ANXA11: variants seen among roughly 807,000 people sequenced by gnomAD.
ANXA11 encodes the protein annexin A11.
Under a neutral mutation model 64.7 loss-of-function variants are expected in ANXA11, and 57 were observed. That is an observed-to-expected ratio of 0.88 (90% CI 0.71 to 1.10). The LOEUF is 1.10. ANXA11 is among the 50% of genes least tolerant of loss of function. ANXA11 has a pLI of 0.00. For synonymous variants in ANXA11, 260 were observed against 265.2 expected, an observed-to-expected ratio of 0.98 and a Z score of 0.19; for missense variants, 675 against 670.7, an observed-to-expected ratio of 1.01 and a Z score of -0.07.
chr10:80,200,766 C>T (rs778160532), intron 1 of ANXA11, among the ~76,000 whole-genome samples: 6 of 152,170 alleles, frequency 3.9e-5, no homozygotes, highest in Non-Finnish European at 7.3e-5. Context: ...TGCAGTGGTT[C>T]ACTCCTGTAA....
chr10:80,182,254 C>T (rs1392275712), intron 1 of ANXA11, among the ~76,000 whole-genome samples: 2 of 151,858 alleles, frequency 1.3e-5, no homozygotes, highest in African/African-American at 4.8e-5. Flanking sequence ...CTGTGGTTTC[C>T]ACTTAATTTT....
At chr10:80,202,204 A>AGGGGGGGGG in intron 1 of ANXA11, among the ~76,000 whole-genome samples, 1 of 91,636 alleles carries the variant, frequency 1.1e-5, no homozygotes, top group African/African-American at 3.4e-5. Flanking sequence ...GTGGGGGGGA[A>AGGGGGGGGG]GCGGGGGGTC....
At chr10:80,168,438 G>A (rs1222380984) in intron 5 of ANXA11, among the ~76,000 whole-genome samples, 1 of 152,190 alleles carries the variant, frequency 6.6e-6, no homozygotes, top group Non-Finnish European at 1.5e-5. Context: ...CATCACACCA[G>A]GAGAAACAGG....
chr10:80,198,503 C>A (rs933631595), intron 1 of ANXA11, among the ~76,000 whole-genome samples: 10 of 152,188 alleles, frequency 6.6e-5, no homozygotes, highest in South Asian at 2.1e-4. Context: ...AATATGGGAG[C>A]CTGTAAGCAA....
chr10:80,162,523 G>T (rs928966312), intron 11 of ANXA11, among the ~76,000 whole-genome samples: 1 of 152,244 alleles, frequency 6.6e-6, no homozygotes, highest in African/African-American at 2.4e-5. Flanking sequence ...CCTTGTCCGG[G>T]CTCTGCTTCT....
At chr10:80,157,469 C>G in intron 15 of ANXA11, 172 bp downstream of exon 15, 1 of 985,354 alleles carries the variant, frequency 1.0e-6, no homozygotes, top group Non-Finnish European at 1.2e-6. Flanking sequence ...TCCACCTGCC[C>G]TCAGAAATTT....
chr10:80,170,174 G>C (rs193248617), intron 4 of ANXA11, among the ~76,000 whole-genome samples: 40 of 152,180 alleles, frequency 2.6e-4, no homozygotes, highest in African/African-American at 9.6e-4. Context: ...TAGATGATAA[G>C]TGCAGCACGG....
At chr10:80,200,342 A>C (rs1840366180) in intron 1 of ANXA11, among the ~76,000 whole-genome samples, 1 of 152,226 alleles carries the variant, frequency 6.6e-6, no homozygotes, top group Non-Finnish European at 1.5e-5. Context: ...TTATTTATTA[A>C]TTTTAAGACT....
In ANXA11 at chr10:80,155,026, C is replaced by T. The variant is rs1038015414; in HGVS notation, c.*827G>A. On this transcript the variant is annotated 3_prime_UTR_variant, in exon 16 of 16. Transcript: ENST00000422982. ...TGCTCAGGGTTTCCTGCACACAAAT[C>T]TCTACGTAAGGTTACATGAACTTTC... 1.3e-5 allele frequency: 2 copies of T among 152,376 alleles called. No homozygotes were observed. The highest frequency in any genetic ancestry group is 4.8e-5 in the African/African-American group (2 of 41,418). 9.4% of individuals were successfully genotyped at this position (152,376 alleles called of 1,614,324 possible).
chr10:80,172,767 A>G (rs1846028542), intron 3 of ANXA11, 40 bp downstream of exon 3: 3 of 1,586,938 alleles, frequency 1.9e-6, no homozygotes, highest in Non-Finnish European at 2.6e-6. Context: ...CACTGTACAG[A>G]GGCAGCATTC....
At chr10:80,201,593 G>A (rs1840424293) in intron 1 of ANXA11, among the ~76,000 whole-genome samples, 1 of 152,170 alleles carries the variant, frequency 6.6e-6, no homozygotes, top group South Asian at 2.1e-4. Flanking sequence ...GATGACTCTA[G>A]GGTGAGTGGG....
In ANXA11 at chr10:80,169,503, A is replaced by G. The variant is rs532450000; in HGVS notation, c.172-145T>C. 7.6e-5 allele frequency: 76 copies of G among 996,170 alleles called. 1 individual carries two copies. The East Asian group carries it at 1.9e-3, about 25-fold the overall frequency. 61.7% of individuals were successfully genotyped at this position (996,170 alleles called of 1,614,324 possible). ...TACCGTTATACCCATTTCACAGACC[A>G]CAGAATGAGTTTACTTGCTCAAAGT... On this transcript the variant is annotated intron_variant, in intron 4 of 15. Coordinates refer to ENST00000422982, the MANE Select transcript of ANXA11 (RefSeq NM_145868.2).
rs10466226 is a variant in ANXA11 at position 80,164,299 on chromosome 10, A to G, written c.859-156T>C. ...TCCAGCCACTCCCAGGCTCGAGGGC[A>G]TCAGCTCTTCTCCACAGCCCGGGCA... On this transcript the variant is annotated intron_variant, in intron 8 of 15. Coordinates refer to ENST00000422982, the MANE Select transcript of ANXA11 (RefSeq NM_145868.2). Among the ~76,000 whole-genome samples the G allele has an allele frequency of 0.13, 19,525 of 152,166 alleles. 1,388 individuals are homozygous for G. The highest frequency in any genetic ancestry group is 0.24 in the South Asian group (1,153 of 4,808).
rs537435920 is a variant in ANXA11, at chr10:80,199,076, A to G, written c.-58+6267T>C. On this transcript the variant is annotated intron_variant, in intron 1 of 15. Transcript: ENST00000422982. ...AGAGAAACAAATTTTATTTACGAAGATTCCATCTTCAAGATAAACTTTTTT... is the reference window on the plus strand; with the variant it reads ...AGAGAAACAAATTTTATTTACGAAGGTTCCATCTTCAAGATAAACTTTTTT... Among the ~76,000 whole-genome samples the G allele has an allele frequency of 2.2e-4, 33 of 150,464 alleles. No individual in the cohort carries two copies. In the South Asian group the frequency reaches 6.3e-3, roughly 29 times the overall value.
At chr10:80,202,509 A>G (rs117911153) in intron 1 of ANXA11, among the ~76,000 whole-genome samples, 1 of 152,272 alleles carries the variant, frequency 6.6e-6, no homozygotes, top group East Asian at 1.9e-4. Context: ...TAAAAGCACA[A>G]ACTCCCACCA....
intron 1 of ANXA11, among the ~76,000 whole-genome samples, chr10:80,191,875 CA>C (rs1846791890): frequency 6.6e-6 from 1 of 152,330 alleles, no homozygotes; most frequent in African/African-American, 2.4e-5. Context: ...AGTTCACTCC[CA>C]CCGACCCCAC....
In ANXA11 at chr10:80,153,832, G is replaced by C. The variant is rs1283353380; in HGVS notation, c.*2021C>G. The C allele has an allele frequency of 6.6e-6, 1 of 152,228 alleles. No homozygotes were observed. Among genetic ancestry groups the C allele is most frequent in the African/African-American group, 2.4e-5 (1 of 41,446 alleles). The allele number at this position is 152,228 out of a possible 1,614,324, so 9.4% of individuals were successfully genotyped here. Reference sequence around the variant, plus strand: ...GATGTCATTCTTCCTTTATGTTTAGGGGGTAGTCCTCAAGCAAATGTCTGC... The same window carrying C: ...GATGTCATTCTTCCTTTATGTTTAGCGGGTAGTCCTCAAGCAAATGTCTGC... On this transcript the variant is annotated 3_prime_UTR_variant, in exon 16 of 16. Coordinates refer to ENST00000422982, the MANE Select transcript of ANXA11 (RefSeq NM_145868.2).
At chr10:80,185,190 A>AT (rs1462868866) in intron 1 of ANXA11, among the ~76,000 whole-genome samples, 2 of 152,186 alleles carry the variant, frequency 1.3e-5, no homozygotes, top group African/African-American at 4.8e-5. Flanking sequence ...CATTTTCACT[A>AT]TAAGTCTGTT....
chr10:80,165,965 G>A, intron 8 of ANXA11, 119 bp downstream of exon 8: 1 of 615,620 alleles, frequency 1.6e-6, no homozygotes, highest in Admixed American at 2.9e-5. Context: ...TAATGAGTGG[G>A]CTAGAACACA....
Sources: allele counts gnomAD v4.1 joint callset (sites outside exome capture counted in the v4.1 genomes callset), GRCh38; gene constraint gnomAD v4.1.1; transcripts MANE v1.5; gene names NCBI Gene and HGNC (gene_info 2026-07-23, HGNC 2026-07-21).